The following OR2L13 variants were observed in gnomAD, a reference collection of about 807,000 sequenced individuals.
OR2L13 encodes the protein olfactory receptor family 2 subfamily L member 13.
A neutral mutation model predicts 15.3 loss-of-function variants in OR2L13; 14 were observed. The ratio of observed to expected loss-of-function variants is 0.91; its 90% CI spans 0.60 to 1.43. OR2L13 has a LOEUF of 1.43. OR2L13 is among the 40% of genes most tolerant of loss of function. The probability of loss-of-function intolerance (pLI) is 0.00; values close to 1 mark genes in which losing one functional copy is unlikely to be tolerated. For missense variants in OR2L13, 367 were observed against 387.9 expected (o/e 0.95, Z 0.45); for synonymous variants, 152 against 142.9 (o/e 1.06, Z -0.45).
the OR2L13 span, among the ~76,000 whole-genome samples, chr1:247,972,612 G>T: frequency 7.0e-6 from 1 of 142,486 alleles, no homozygotes; most frequent in Non-Finnish European, 1.5e-5. Context: ...CTGAAATTGA[G>T]GCAGTAATTA....
the OR2L13 span, among the ~76,000 whole-genome samples, chr1:247,999,622 TGAAG>T: frequency 6.6e-6 from 1 of 152,270 alleles, no homozygotes; most frequent in African/African-American, 2.4e-5. Context: ...TGGAGGAACT[TGAAG>T]GAAGGAGGAA....
At chr1:248,086,025 T>TA in the OR2L13 span, among the ~76,000 whole-genome samples, 1 of 151,614 alleles carries the variant, frequency 6.6e-6, no homozygotes, top group Non-Finnish European at 1.5e-5. Flanking sequence ...AAAAGATTAC[T>TA]AAAAAAAAAT....
At chr1:247,978,466 A>G in the OR2L13 span, among the ~76,000 whole-genome samples, 47 of 152,172 alleles carry the variant, frequency 3.1e-4, 1 homozygote, top group Non-Finnish European at 5.6e-4. Flanking sequence ...GATCTTTGGG[A>G]CATTTGTATT....
At chr1:248,006,456 A>G in the OR2L13 span, among the ~76,000 whole-genome samples, 1 of 152,110 alleles carries the variant, frequency 6.6e-6, no homozygotes, top group Non-Finnish European at 1.5e-5. Context: ...TGATAACAGC[A>G]GAGCATGAAA....
At chr1:248,088,253 GC>G in the OR2L13 span, among the ~76,000 whole-genome samples, 817 of 151,726 alleles carry the variant, frequency 5.4e-3, 23 homozygotes, top group East Asian at 0.018. Flanking sequence ...GAGAAATACT[GC>G]CTTTTATAAA....
At chr1:248,070,520 G>C in the OR2L13 span, among the ~76,000 whole-genome samples, 1 of 152,216 alleles carries the variant, frequency 6.6e-6, no homozygotes, top group African/African-American at 2.4e-5. Context: ...ACAAGAGAAA[G>C]CAGGAAAGAC....
the OR2L13 span, chr1:248,022,609 T>G: frequency 6.2e-7 from 1 of 1,614,174 alleles, no homozygotes; most frequent in Admixed American, 1.7e-5. Flanking sequence ...GGCTGGGTTC[T>G]CCTTGCTGTC....
At chr1:247,950,806 T>C in the OR2L13 span, among the ~76,000 whole-genome samples, 2 of 152,092 alleles carry the variant, frequency 1.3e-5, no homozygotes, top group African/African-American at 2.4e-5. Flanking sequence ...TGTAAAAATA[T>C]AGATAGCACG....
At chr1:247,976,697 T>A in the OR2L13 span, among the ~76,000 whole-genome samples, 1 of 152,318 alleles carries the variant, frequency 6.6e-6, no homozygotes, top group African/African-American at 2.4e-5. Flanking sequence ...CTAATTAAAA[T>A]ATATTTTGAT....
At chr1:247,945,552 C>G in the OR2L13 span, among the ~76,000 whole-genome samples, 15 of 152,066 alleles carry the variant, frequency 9.9e-5, no homozygotes, top group Non-Finnish European at 1.9e-4. Flanking sequence ...TCCTGAATAT[C>G]TTTGTTAATT....
chr1:247,995,132 G>A, the OR2L13 span, among the ~76,000 whole-genome samples: 5 of 152,242 alleles, frequency 3.3e-5, no homozygotes, highest in East Asian at 9.7e-4. Context: ...TTAATGCATT[G>A]TTCTCTATTC....
the OR2L13 span, among the ~76,000 whole-genome samples, chr1:248,036,201 G>A: frequency 1.3e-5 from 2 of 151,816 alleles, no homozygotes; most frequent in Non-Finnish European, 2.9e-5. Context: ...TGTTGGTCCT[G>A]TTGCATTAAT....
chr1:247,963,281 A>G, the OR2L13 span, among the ~76,000 whole-genome samples: 1 of 152,166 alleles, frequency 6.6e-6, no homozygotes, highest in African/African-American at 2.4e-5. Flanking sequence ...TTTTCAGACC[A>G]TATAGGGTAA....
At chr1:247,943,899 T>C in the OR2L13 span, among the ~76,000 whole-genome samples, 3 of 152,304 alleles carry the variant, frequency 2.0e-5, no homozygotes, top group Non-Finnish European at 4.4e-5. Context: ...ATATCTTGAA[T>C]GTAAATATCC....
At chr1:247,991,032 T>G in the OR2L13 span, 1 of 1,546,938 alleles carries the variant, frequency 6.5e-7, no homozygotes, top group Non-Finnish European at 8.9e-7. Flanking sequence ...CACCCTTTGC[T>G]TATACCTATC....
the OR2L13 span, chr1:247,990,740 A>C: frequency 6.3e-7 from 1 of 1,584,924 alleles, no homozygotes; most frequent in Non-Finnish European, 8.7e-7. Context: ...TCTTGTGCTC[A>C]CACGGTATAT....
chr1:248,047,097 C>T, the OR2L13 span, among the ~76,000 whole-genome samples: 5 of 151,978 alleles, frequency 3.3e-5, no homozygotes, highest in East Asian at 1.9e-4. Context: ...GTTTTCTGGA[C>T]GGGAAGGTAA....
the OR2L13 span, among the ~76,000 whole-genome samples, chr1:248,007,554 A>T: frequency 6.6e-6 from 1 of 152,234 alleles, no homozygotes; most frequent in African/African-American, 2.4e-5. Context: ...TAATTTTGAA[A>T]GTTGGGCAAT....
the OR2L13 span, among the ~76,000 whole-genome samples, chr1:248,001,121 A>AT: frequency 6.6e-6 from 1 of 152,142 alleles, no homozygotes; most frequent in Non-Finnish European, 1.5e-5. Flanking sequence ...ATATGCATAT[A>AT]TGTATGTGTG....
Sources: allele counts gnomAD v4.1 joint callset (sites outside exome capture counted in the v4.1 genomes callset), GRCh38; gene constraint gnomAD v4.1.1; transcripts MANE v1.5; gene names NCBI Gene and HGNC (gene_info 2026-07-23, HGNC 2026-07-21).